Variants in FSD1 observed in about 807,000 individuals in gnomAD.
The protein encoded by FSD1 is fibronectin type III and SPRY domain containing 1.
Under a neutral mutation model 58.2 loss-of-function variants are expected in FSD1, and 23 were observed. The observed-to-expected ratio is 0.40, with a 90% CI of 0.28 to 0.56. The LOEUF is 0.56. Ranked by LOEUF, FSD1 falls within the 20% of genes least tolerant of loss-of-function variation. FSD1 has a pLI of 0.54. For missense variants in FSD1, 563 were observed against 670.8 expected (o/e 0.84, Z 1.78); for synonymous variants, 265 against 263.4 (o/e 1.01, Z -0.06).
chr19:4,318,775 A>T (rs946567380), intron 9 of FSD1, 97 bp from the exon 10 acceptor site: 3 of 982,706 alleles, frequency 3.1e-6, no homozygotes, highest in Non-Finnish European at 4.9e-6. Flanking sequence ...TTGACCCAAC[A>T]TCCACGGTGG....
chr19:4,323,154 T>C lies in FSD1; in HGVS notation c.1208T>C (p.Phe403Ser), dbSNP rs768350624. 3.2e-5 allele frequency: 51 copies of C among 1,605,048 alleles called. No homozygotes were observed. The highest frequency in any genetic ancestry group is 4.2e-5 in the Non-Finnish European group (49 of 1,179,790). The change falls in exon 11 of 13, where the codon TTC becomes TCC. Residue 403 changes from phenylalanine (F) to serine (S), a missense_variant. Coordinates refer to ENST00000221856, the MANE Select transcript of FSD1 (RefSeq NM_024333.3). This position sits in a 1 kb window ranked among gnomAD's most constrained non-coding sequence, Gnocchi z 7.7. ...LHVNNWLQVSFTAKHANKVKV... is the reference protein window; with the variant it reads ...LHVNNWLQVSSTAKHANKVKV... ...GTCAACAATTGGCTGCAGGTCAGCTTCACGGCCAAGCACGCCAACAAGGTC... is the reference window on the plus strand; with the variant it reads ...GTCAACAATTGGCTGCAGGTCAGCTCCACGGCCAAGCACGCCAACAAGGTC...
At position 4,304,903 on chromosome 19, in the gene FSD1, G is replaced by A. The variant is rs1381260470; in HGVS notation, c.15+142G>A. The stretch of plus-strand genomic sequence containing the variant: ...GAGGCCCCACCCCATTCGCGACCCC[G>A]CCCGGATCTAGCCCCCCTACCCCAG... On this transcript the variant is annotated intron_variant, in intron 1 of 12. Coordinates refer to ENST00000221856, the MANE Select transcript of FSD1 (RefSeq NM_024333.3). The A allele has an allele frequency of 2.3e-5, 7 of 310,252 alleles. No homozygotes were observed. The East Asian group carries it at 3.1e-4, about 14-fold the overall frequency. The allele number at this position is 310,252 out of a possible 1,614,324, so 19.2% of individuals were successfully genotyped here. A position where few individuals can be genotyped will look rare whatever the true frequency, so the allele number is the denominator to read the frequency against.
rs1259021472 is a variant in FSD1, at chr19:4,310,309, G to A, written c.368+14G>A. On this transcript the variant is annotated intron_variant, in intron 5 of 12. Coordinates refer to ENST00000221856, the MANE Select transcript of FSD1 (RefSeq NM_024333.3). ...AATCAAAGATGGGTAAGACACTGGGGTCTGGCCCCCACCCCACTACCCTGC... is the reference window on the plus strand; with the variant it reads ...AATCAAAGATGGGTAAGACACTGGGATCTGGCCCCCACCCCACTACCCTGC... 2 of 1,614,084 alleles carry A rather than the reference G, an allele frequency of 1.2e-6. No individual in the cohort carries two copies.
At chr19:4,316,682 G>A (rs1340782348) in intron 7 of FSD1, among the ~76,000 whole-genome samples, 1 of 152,248 alleles carries the variant, frequency 6.6e-6, no homozygotes, top group South Asian at 2.1e-4. Flanking sequence ...GTGGAGTCAA[G>A]TAATTCATAG....
At chr19:4,310,116 T>C (rs543617277) in intron 4 of FSD1, among the ~76,000 whole-genome samples, 157 bp from the exon 5 acceptor site, 1 of 151,936 alleles carries the variant, frequency 6.6e-6, no homozygotes, top group East Asian at 1.9e-4. Flanking sequence ...TAATCCCAGC[T>C]ACTCAGGAGG....
chr19:4,323,072 C>T lies in FSD1; in HGVS notation c.1126C>T (p.Arg376Cys). The change falls in exon 11 of 13, where the codon CGC (arginine) becomes TGC (cysteine). Residue 376 changes from arginine (R) to cysteine (C), a missense_variant. By Grantham distance (180) the Arg-to-Cys change is radical (BLOSUM62 -3). Coordinates refer to ENST00000221856, the MANE Select transcript of FSD1 (RefSeq NM_024333.3). This position sits in a 1 kb window ranked among gnomAD's most constrained non-coding sequence, Gnocchi z 7.7. ...SKAFGVGVAY[R>C]SLGRFEQLGK... ...GGCGTTCGGCGTGGGCGTGGCCTAC[C>T]GCAGCCTGGGCCGCTTCGAGCAACT... 1 of 1,611,250 alleles carries T rather than the reference C, an allele frequency of 6.2e-7. No homozygotes were observed. The highest frequency in any genetic ancestry group is 8.5e-7 in the Non-Finnish European group (1 of 1,179,706).
chr19:4,307,791 G>A (rs1599533283), intron 3 of FSD1, 91 bp from the exon 4 acceptor site: 2 of 889,294 alleles, frequency 2.2e-6, no homozygotes, highest in East Asian at 2.7e-5. Flanking sequence ...GAAGGGCATG[G>A]TACCCTGGAT....
At chr19:4,314,444 A>G (rs916562187) in intron 7 of FSD1, among the ~76,000 whole-genome samples, 2 of 152,138 alleles carry the variant, frequency 1.3e-5, no homozygotes, top group African/African-American at 4.8e-5. Flanking sequence ...TAGTCAGCAT[A>G]AAACCCGGGA....
At chr19:4,306,115 C>T (rs1166019404) in intron 2 of FSD1, 74 bp downstream of exon 2, 1 of 1,605,158 alleles carries the variant, frequency 6.2e-7, no homozygotes, top group Non-Finnish European at 8.5e-7. Context: ...TAGGAACTGG[C>T]CCATTGCTGT....
chr19:4,305,914 A>G lies in FSD1; in HGVS notation c.16-32A>G, dbSNP rs772592924. On this transcript the variant is annotated intron_variant, in intron 1 of 12. Transcript: ENST00000221856. ...CCTGTGTGCGCACATGTGTGTGTGC[A>G]CCTGTGTGTGTCCACACTTCTGGTG... is the stretch of plus-strand genomic sequence containing the variant. 5 of 1,528,908 alleles carry G rather than the reference A, an allele frequency of 3.3e-6. No individual in the cohort carries two copies. In the East Asian group the frequency reaches 6.7e-5, roughly 21 times the overall value. 94.7% of individuals were successfully genotyped at this position (1,528,908 alleles called of 1,614,324 possible). A position where few individuals can be genotyped will look rare whatever the true frequency, so the allele number is the denominator to read the frequency against.
chr19:4,311,722 C>A (rs1971693761), intron 6 of FSD1, 120 bp from the exon 7 acceptor site: 7 of 771,886 alleles, frequency 9.1e-6, no homozygotes, highest in Non-Finnish European at 1.5e-5. Context: ...AAACATGGAA[C>A]CCCTTTGTGG....
Position 4,311,547 on chromosome 19 carries a change from GGTGGCTCACGACT to G in FSD1, c.491-292_491-280del. On this transcript the variant is annotated intron_variant, in intron 6 of 12. Coordinates refer to ENST00000221856, the MANE Select transcript of FSD1 (RefSeq NM_024333.3). Reference sequence around the variant, plus strand: ...AAATATAAAAAATTAGCCGGGCCATGGTGGCTCACGACTGTAATCCCAGCTACTCAGGAGGCTG... The same window carrying G: ...AAATATAAAAAATTAGCCGGGCCATGGTAATCCCAGCTACTCAGGAGGCTG... 1.2e-5 allele frequency: 4 copies of G among 337,248 alleles called. No individual in the cohort carries two copies. The South Asian group carries it at 1.2e-4, about 10-fold the overall frequency. 20.9% of individuals were successfully genotyped at this position (337,248 alleles called of 1,614,324 possible).
chr19:4,308,661 T>A (rs367558759), intron 4 of FSD1, among the ~76,000 whole-genome samples: 1 of 151,900 alleles, frequency 6.6e-6, no homozygotes, highest in Non-Finnish European at 1.5e-5. Context: ...ATCAAGACCA[T>A]CCTAACACAG....
In FSD1 at chr19:4,311,961, C is replaced by T. The variant is rs367820799; in HGVS notation, c.610C>T (p.Arg204Trp). ...KIDHYVLEYR[R>W]TNFEGPPRLK... ...TGACCACTACGTGCTGGAGTACCGG[C>T]GGACCAACTTCGAGGGCCCGCCCCG... The change falls in exon 7 of 13, where the codon CGG (arginine) becomes TGG (tryptophan). Residue 204 changes from arginine to tryptophan, a missense_variant. Coordinates refer to ENST00000221856, the MANE Select transcript of FSD1 (RefSeq NM_024333.3). The T allele has an allele frequency of 1.9e-5, 30 of 1,612,562 alleles. No homozygotes were observed. The highest frequency in any genetic ancestry group is 6.7e-5 in the African/African-American group (5 of 74,914).
In FSD1 at chr19:4,310,556, G is replaced by T. The variant is rs772173176; in HGVS notation, c.450G>T (p.Ala150=). 1.1e-5 allele frequency: 17 copies of T among 1,613,816 alleles called. No individual in the cohort carries two copies. The highest frequency in any genetic ancestry group is 1.4e-5 in the Non-Finnish European group (17 of 1,179,964). Residue 150 remains alanine (A), a synonymous_variant, in exon 6 of 13, where the codon GCG becomes GCT. Transcript: ENST00000221856. The part of the protein sequence containing the change: ...DNMSHLMVDF[A]QERQMLQALK... ...TGAGTCACCTCATGGTGGACTTCGCGCAAGAGCGGCAGATGCTACAGGCAC... is the reference window on the plus strand; with the variant it reads ...TGAGTCACCTCATGGTGGACTTCGCTCAAGAGCGGCAGATGCTACAGGCAC...
At chr19:4,318,319 G>T in intron 8 of FSD1, 27 bp from the exon 9 acceptor site, 2 of 1,613,382 alleles carry the variant, frequency 1.2e-6, no homozygotes, top group East Asian at 2.2e-5. Flanking sequence ...CCCCATCTCT[G>T]TGACTCCCAC....
intron 3 of FSD1, among the ~76,000 whole-genome samples, 164 bp from the exon 4 acceptor site, chr19:4,307,718 G>A (rs369755774): frequency 6.6e-6 from 1 of 152,112 alleles, no homozygotes; most frequent in Non-Finnish European, 1.5e-5. Context: ...TCTGCTCCCC[G>A]AGCCCAGCCC....
chr19:4,311,072 C>T (rs1971685304), intron 6 of FSD1: 1 of 161,666 alleles, frequency 6.2e-6, no homozygotes, highest in Admixed American at 5.7e-5. Flanking sequence ...CCTGGGAAAA[C>T]TCTGTCCACA....
At chr19:4,316,445 G>A (rs1343962535) in intron 7 of FSD1, among the ~76,000 whole-genome samples, 3 of 150,140 alleles carry the variant, frequency 2.0e-5, no homozygotes, top group African/African-American at 7.4e-5. Context: ...GGTCTTGAAC[G>A]CCTGACCTCA....
Sources: allele counts gnomAD v4.1 joint callset (sites outside exome capture counted in the v4.1 genomes callset), GRCh38; gene constraint gnomAD v4.1.1; non-coding constraint Gnocchi (gnomAD v3.1); transcripts MANE v1.5; gene names NCBI Gene and HGNC (gene_info 2026-07-23, HGNC 2026-07-21).